Variants in SMAD7 observed in about 807,000 individuals in gnomAD.
SMAD7 encodes SMAD family member 7.
In SMAD7, 8 loss-of-function variants were observed where a neutral mutation model predicts 38.7. The ratio of observed to expected loss-of-function variants is 0.21; its 90% confidence interval spans 0.12 to 0.37. SMAD7 has a LOEUF of 0.37. Among genes scored for constraint, SMAD7 ranks in the 10% least tolerant of loss-of-function variants. SMAD7 has a pLI of 1.00. For synonymous variants in SMAD7, 327 were observed against 265.1 expected (o/e 1.23, Z -2.27); for missense variants, 477 against 577.9 (o/e 0.83, Z 1.79).
intron 3 of SMAD7, among the ~76,000 whole-genome samples, chr18:48,922,938 A>G (rs1479493246): frequency 6.6e-6 from 1 of 152,058 alleles, no homozygotes; most frequent in Non-Finnish European, 1.5e-5. Flanking sequence ...AGGCACTTGG[A>G]GGACTTTAAA....
intron 3 of SMAD7, among the ~76,000 whole-genome samples, chr18:48,941,579 GA>G (rs934963128): frequency 6.6e-6 from 1 of 152,198 alleles, no homozygotes; most frequent in Non-Finnish European, 1.5e-5. Flanking sequence ...TACAGGCAAG[GA>G]AATGCCAAAT....
chr18:48,921,334 G>A lies in SMAD7; in HGVS notation c.*38C>T, dbSNP rs759399169. 38 of 1,556,628 alleles carry A rather than the reference G, an allele frequency of 2.4e-5. No individual in the cohort carries two copies. Among genetic ancestry groups the A allele is most frequent in the Non-Finnish European group, 3.3e-5 (38 of 1,141,646 alleles). On this transcript the variant is annotated 3_prime_UTR_variant, in exon 4 of 4. Transcript: ENST00000262158. This position sits in a 1 kb window ranked among gnomAD's most constrained non-coding sequence, Gnocchi z 6.4. ...TTAGCAGCAAAGTAGTTTGAAGTGT[G>A]GCCTGCTCAGCTCACGCTCTGTCCC...
chr18:48,950,234 T>A lies in SMAD7; in HGVS notation c.191A>T (p.Lys64Met). ...GPGRAGCCLGKAVRGAKGHHH... is the reference protein window; with the variant it reads ...GPGRAGCCLGMAVRGAKGHHH... Reference sequence around the variant, plus strand: ...GTGACCTTTGGCACCTCGCACCGCCTTGCCCAGGCAGCATCCAGCCCTGCC... The same window carrying A: ...GTGACCTTTGGCACCTCGCACCGCCATGCCCAGGCAGCATCCAGCCCTGCC... The change falls in exon 1 of 4, where the codon AAG becomes ATG. Residue 64 changes from lysine (K) to methionine (M), a missense_variant. Physicochemically the swap from Lys to Met is moderately conservative, Grantham distance 95 (BLOSUM62 -1). Transcript: ENST00000262158. 1 of 1,505,352 alleles carries A rather than the reference T, an allele frequency of 6.6e-7. No individual in the cohort carries two copies. The highest frequency in any genetic ancestry group is 8.8e-7 in the Non-Finnish European group (1 of 1,131,210). 93.2% of individuals were successfully genotyped at this position (1,505,352 alleles called of 1,614,324 possible).
intron 3 of SMAD7, among the ~76,000 whole-genome samples, chr18:48,928,256 T>C (rs1173559164): frequency 2.0e-5 from 3 of 152,246 alleles, no homozygotes; most frequent in Non-Finnish European, 4.4e-5. Context: ...CTTCATGGTC[T>C]CTGGCTGGAC....
rs754787305 is a variant in SMAD7, at chr18:48,950,044, C to G, written c.381G>C (p.Leu127=). The change falls in exon 1 of 4, where the codon CTG becomes CTC. Residue 127 remains leucine, a synonymous_variant. Coordinates refer to ENST00000262158, the MANE Select transcript of SMAD7 (RefSeq NM_005904.4). ...GCCTGCAGTCCAGGCGGCCGGGCAGCAGGAGGCACGCGGTGCGCGTCCCGC... is the reference window on the plus strand; with the variant it reads ...GCCTGCAGTCCAGGCGGCCGGGCAGGAGGAGGCACGCGGTGCGCGTCCCGC... ...SRGGTRTACL[L]LPGRLDCRLG... The G allele has an allele frequency of 7.0e-7, 1 of 1,438,764 alleles. No individual in the cohort carries two copies. The highest frequency in any genetic ancestry group is 3.3e-5 in the Admixed American group (1 of 30,692). The allele number at this position is 1,438,764 out of a possible 1,614,324, so 89.1% of individuals were successfully genotyped here. A position where few individuals can be genotyped will look rare whatever the true frequency, so the allele number is the denominator to read the frequency against.
rs541352448 is a variant in SMAD7 at position 48,928,648 on chromosome 18, G to A, written c.743-6738C>T. Among the ~76,000 whole-genome samples, 108 of 151,950 alleles carry A rather than the reference G, an allele frequency of 7.1e-4. 1 individual carries two copies. In the South Asian group the frequency reaches 0.014, roughly 19 times the overall value. On this transcript the variant is annotated intron_variant, in intron 3 of 3. Coordinates refer to ENST00000262158, the MANE Select transcript of SMAD7 (RefSeq NM_005904.4). ...CACCTCTCCCAAGCCTACATATTTC[G>A]CAGATCCTGCTGGTCTAGAACACTA...
intron 3 of SMAD7, among the ~76,000 whole-genome samples, chr18:48,938,800 C>T (rs1029733337): frequency 6.6e-6 from 1 of 152,158 alleles, no homozygotes; most frequent in Non-Finnish European, 1.5e-5. Flanking sequence ...TCCATCTCCA[C>T]GACGGAGCTG....
At chr18:48,942,358 C>T in intron 3 of SMAD7, 123 bp downstream of exon 3, 1 of 684,130 alleles carries the variant, frequency 1.5e-6, no homozygotes, top group Non-Finnish European at 2.6e-6. Context: ...CAACTTAAGG[C>T]ATATAAAAAT....
At chr18:48,924,527 G>T (rs983729422) in intron 3 of SMAD7, among the ~76,000 whole-genome samples, 1 of 152,192 alleles carries the variant, frequency 6.6e-6, no homozygotes, top group Non-Finnish European at 1.5e-5. Context: ...TGTGCAGCCC[G>T]CCAGCAATGT....
rs546444444 is a variant in SMAD7, at chr18:48,948,446, A to G, written c.614-9T>C. ...AGGAGGGGGGGGAGACTCTGAAATTAAAAAAGCAAGAGAAAATAAAGGCCC... is the reference window on the plus strand; with the variant it reads ...AGGAGGGGGGGGAGACTCTGAAATTGAAAAAGCAAGAGAAAATAAAGGCCC... On this transcript the variant is annotated splice_polypyrimidine_tract_variant and intron_variant, in intron 1 of 3. Transcript: ENST00000262158. 4 of 1,586,964 alleles carry G rather than the reference A, an allele frequency of 2.5e-6. No individual in the cohort carries two copies. Among genetic ancestry groups the G allele is most frequent in the Non-Finnish European group, 3.4e-6 (4 of 1,167,878 alleles).
chr18:48,950,427 G>A lies in SMAD7; in HGVS notation c.-3C>T. On this transcript the variant is annotated 5_prime_UTR_variant, in exon 1 of 4. Coordinates refer to ENST00000262158, the MANE Select transcript of SMAD7 (RefSeq NM_005904.4). ...GCAGATCGTTTGGTCCTGAACATGC[G>A]GGGCGAGGAGGCGAGGAGAAAAGTC... The A allele has an allele frequency of 1.9e-6, 3 of 1,546,610 alleles. No homozygotes were observed. Among genetic ancestry groups the A allele is most frequent in the Non-Finnish European group, 2.6e-6 (3 of 1,148,492 alleles).
At chr18:48,944,507 GT>G (rs1362879526) in intron 2 of SMAD7, among the ~76,000 whole-genome samples, 1 of 152,228 alleles carries the variant, frequency 6.6e-6, no homozygotes, top group African/African-American at 2.4e-5. Flanking sequence ...TACCACCCCT[GT>G]GAAGAAGCAA....
chr18:48,949,586 C>A (rs1314559873), intron 1 of SMAD7, among the ~76,000 whole-genome samples: 2 of 152,154 alleles, frequency 1.3e-5, no homozygotes, highest in Non-Finnish European at 2.9e-5. Flanking sequence ...TGGAAGGGAA[C>A]CCCCAGGGAA....
At chr18:48,947,731 G>A (rs983953957) in intron 2 of SMAD7, among the ~76,000 whole-genome samples, 2 of 152,212 alleles carry the variant, frequency 1.3e-5, no homozygotes, top group Non-Finnish European at 2.9e-5. Flanking sequence ...CAACAGGGCT[G>A]GTGCCAGTCT....
At chr18:48,945,427 A>T (rs1420291652) in intron 2 of SMAD7, among the ~76,000 whole-genome samples, 1 of 151,826 alleles carries the variant, frequency 6.6e-6, no homozygotes, top group East Asian at 1.9e-4. Context: ...GGGCCACTGC[A>T]CTCCAGCCTG....
At chr18:48,922,895 C>G (rs1024121455) in intron 3 of SMAD7, among the ~76,000 whole-genome samples, 3 of 152,106 alleles carry the variant, frequency 2.0e-5, no homozygotes, top group Non-Finnish European at 4.4e-5. Flanking sequence ...GCCTGGGGGC[C>G]GGGGTGATTC....
At chr18:48,935,379 C>T (rs1327106620) in intron 3 of SMAD7, among the ~76,000 whole-genome samples, 1 of 152,210 alleles carries the variant, frequency 6.6e-6, no homozygotes, top group Non-Finnish European at 1.5e-5. Context: ...CATTCAATAC[C>T]GAGCGAGAGG....
chr18:48,930,405 G>C (rs1254459048), intron 3 of SMAD7, among the ~76,000 whole-genome samples: 2 of 152,056 alleles, frequency 1.3e-5, no homozygotes, highest in African/African-American at 4.8e-5. Flanking sequence ...AGGAGGTCAA[G>C]GGAATAAAAG....
chr18:48,940,932 G>T (rs1020369405), intron 3 of SMAD7, among the ~76,000 whole-genome samples: 24 of 152,156 alleles, frequency 1.6e-4, no homozygotes, highest in Non-Finnish European at 2.5e-4. Context: ...TCCGGCAGGG[G>T]AGACAGACAA....
Sources: allele counts gnomAD v4.1 joint callset (sites outside exome capture counted in the v4.1 genomes callset), GRCh38; gene constraint gnomAD v4.1.1; non-coding constraint Gnocchi (gnomAD v3.1); transcripts MANE v1.5; gene names NCBI Gene and HGNC (gene_info 2026-07-23, HGNC 2026-07-21).